Variants in ABCG2 observed in about 807,000 individuals in gnomAD.
ABCG2 encodes the protein broad substrate specificity ATP-binding cassette transporter ABCG2.
Under a neutral mutation model 73.5 loss-of-function variants are expected in ABCG2, and 80 were observed. The observed-to-expected ratio is 1.09, with a 90% CI of 0.91 to 1.31. The LOEUF (loss-of-function observed/expected upper bound fraction) is 1.31, where lower values mean the gene tolerates loss of function less well. ABCG2 is among the 50% of genes most tolerant of loss of function. The pLI, the probability that ABCG2 is intolerant of heterozygous loss-of-function variation, is 0.00. For synonymous variants in ABCG2, 269 were observed against 282.4 expected (o/e 0.95, Z 0.48); for missense variants, 796 against 786.2 (o/e 1.01, Z -0.15).
At chr4:88,158,749 CGCGCGGCGGCCGGCGTGGGAG>C, upstream of ABCG2, 8 of 390,750 alleles carry the variant, frequency 2.0e-5, no homozygotes, top group South Asian at 1.5e-4. Flanking sequence ...GCGCTCCCCT[CGCGCGGCGGCCGGCGTGGGAG>C]GCGCTGCGGC....
chr4:88,183,924 A>G (rs1448904463), intron 1 of ABCG2, among the ~76,000 whole-genome samples: 2 of 152,182 alleles, frequency 1.3e-5, no homozygotes, highest in Admixed American at 6.5e-5. Context: ...AAATCCATCA[A>G]TGTCATACGT....
intron 1 of ABCG2, among the ~76,000 whole-genome samples, chr4:88,153,971 G>C (rs1169661456): frequency 4.6e-5 from 7 of 152,132 alleles, no homozygotes; most frequent in African/African-American, 1.7e-4. Context: ...GCAGGCTAGC[G>C]GCTTGTAACC....
intron 1 of ABCG2, among the ~76,000 whole-genome samples, chr4:88,195,614 C>A (rs765156133): frequency 6.6e-6 from 1 of 152,132 alleles, no homozygotes; most frequent in Non-Finnish European, 1.5e-5. Context: ...TATCAAAAAG[C>A]TTTAGGGCAG....
At chr4:88,212,859 G>T (rs1484892984) in intron 1 of ABCG2, among the ~76,000 whole-genome samples, 2 of 152,132 alleles carry the variant, frequency 1.3e-5, no homozygotes, top group South Asian at 2.1e-4. Context: ...CGTGGGTGGA[G>T]AAAAACACAT....
intron 1 of ABCG2, among the ~76,000 whole-genome samples, chr4:88,168,314 C>T (rs1490378069): frequency 6.6e-6 from 1 of 151,946 alleles, no homozygotes; most frequent in Non-Finnish European, 1.5e-5. Flanking sequence ...TGGTGAAACC[C>T]CATCTGTACT....
At chr4:88,226,841 A>G (rs2127864) in intron 1 of ABCG2, 39,309 of 152,324 alleles carry the variant, frequency 0.26, 6,030 homozygotes, top group African/African-American at 0.42. Context: ...AAGAAAAGCC[A>G]TGGCTCAAGC....
chr4:88,205,380 A>C (rs1474494218), intron 1 of ABCG2, among the ~76,000 whole-genome samples: 1 of 152,252 alleles, frequency 6.6e-6, no homozygotes, highest in Non-Finnish European at 1.5e-5. Context: ...ATGTTTTGAA[A>C]GTTGTTTTCT....
At chr4:88,106,588 A>T (rs148864365) in intron 10 of ABCG2, among the ~76,000 whole-genome samples, 1 of 152,324 alleles carries the variant, frequency 6.6e-6, no homozygotes, top group East Asian at 1.9e-4. Context: ...AAGTAGAATG[A>T]TTGCTGCCAG....
intron 1 of ABCG2, among the ~76,000 whole-genome samples, chr4:88,175,818 G>A (rs1284780839): frequency 6.6e-6 from 1 of 152,150 alleles, no homozygotes; most frequent in African/African-American, 2.4e-5. Flanking sequence ...TATCTAAGAA[G>A]CTCTGATGCC....
chr4:88,230,282 C>T (rs1239644632), intron 1 of ABCG2, among the ~76,000 whole-genome samples: 6 of 88,292 alleles, frequency 6.8e-5, no homozygotes, highest in African/African-American at 3.5e-4. Context: ...CATGATTACA[C>T]CGCACCTGTT....
intron 1 of ABCG2, among the ~76,000 whole-genome samples, chr4:88,180,488 C>A (rs933831917): frequency 3.3e-5 from 5 of 152,156 alleles, no homozygotes; most frequent in African/African-American, 1.2e-4. Flanking sequence ...ATAATCCCAG[C>A]ACATGGGAGG....
chr4:88,225,633 A>G (rs1383731674), intron 1 of ABCG2, among the ~76,000 whole-genome samples: 2 of 152,244 alleles, frequency 1.3e-5, no homozygotes, highest in East Asian at 3.8e-4. Context: ...GACAGGAAGC[A>G]TAAGCTGAGC....
chr4:88,229,492 A>G (rs1730366306), intron 1 of ABCG2, among the ~76,000 whole-genome samples: 1 of 152,160 alleles, frequency 6.6e-6, no homozygotes, highest in Admixed American at 6.5e-5. Context: ...ATAGAACAAA[A>G]TTTACAACCT....
rs12721643 is a variant in ABCG2 at position 88,121,708 on chromosome 4, T to G, written c.616A>C (p.Ile206Leu). 2.5e-4 allele frequency: 398 copies of G among 1,614,020 alleles called. No homozygotes were observed. The highest frequency in any genetic ancestry group is 3.2e-4 in the Non-Finnish European group (381 of 1,179,988). ...GTTGTAGGCTCATCCAAGAACAAGA[T>G]GGAAGGATCAGTGATAAGCTCCATT... ...IGMELITDPS[I>L]LFLDEPTTGL... The change falls in exon 6 of 16, where the codon ATC becomes CTC. Residue 206 changes from isoleucine to leucine, a missense_variant. By Grantham distance (5) the Ile-to-Leu change is conservative. Coordinates refer to ENST00000237612, the MANE Select transcript of ABCG2 (RefSeq NM_004827.3).
chr4:88,158,016 C>A (rs1381267314), intron 1 of ABCG2, among the ~76,000 whole-genome samples: 1 of 152,174 alleles, frequency 6.6e-6, no homozygotes, highest in Non-Finnish European at 1.5e-5. Context: ...TATTGGTCAA[C>A]CCCTTTAAAA....
At chr4:88,180,729 G>T (rs1728202386) in intron 1 of ABCG2, among the ~76,000 whole-genome samples, 1 of 152,060 alleles carries the variant, frequency 6.6e-6, no homozygotes, top group Non-Finnish European at 1.5e-5. Flanking sequence ...CCCTAACCTA[G>T]CTAACAGAGT....
intron 1 of ABCG2, among the ~76,000 whole-genome samples, chr4:88,151,471 G>C (rs1726474007): frequency 6.6e-6 from 1 of 152,218 alleles, no homozygotes; most frequent in African/African-American, 2.4e-5. Context: ...GGGTGCAGTG[G>C]CTCATGCCTG....
At chr4:88,215,173 T>G (rs977052967) in intron 1 of ABCG2, among the ~76,000 whole-genome samples, 2 of 152,132 alleles carry the variant, frequency 1.3e-5, no homozygotes, top group African/African-American at 4.8e-5. Context: ...GTGTAAATTA[T>G]AAGGGTGTTA....
At chr4:88,175,677 A>G (rs1265743146) in intron 1 of ABCG2, among the ~76,000 whole-genome samples, 5 of 152,228 alleles carry the variant, frequency 3.3e-5, no homozygotes, top group Non-Finnish European at 7.3e-5. Flanking sequence ...TTCCCAAAAT[A>G]TCTTGGCCAG....
Sources: allele counts gnomAD v4.1 joint callset (sites outside exome capture counted in the v4.1 genomes callset), GRCh38; gene constraint gnomAD v4.1.1; transcripts MANE v1.5; gene names NCBI Gene and HGNC (gene_info 2026-07-23, HGNC 2026-07-21).